The following PHACTR1 variants were observed in gnomAD, a reference collection of about 807,000 sequenced individuals.
PHACTR1 encodes the protein phosphatase and actin regulator 1.
PHACTR1 carries 16 observed loss-of-function variants against 69.2 expected under a neutral mutation model. That is an observed-to-expected ratio of 0.23 (90% confidence interval 0.16 to 0.35). The LOEUF is 0.35. Among genes scored for constraint, PHACTR1 ranks in the 10% least tolerant of loss-of-function variants. PHACTR1 has a pLI of 1.00. For synonymous variants in PHACTR1, 312 were observed against 284.5 expected, an observed-to-expected ratio of 1.10 and a Z score of -0.97; for missense variants, 510 against 734.7, an observed-to-expected ratio of 0.69 and a Z score of 3.54.
chr6:12,930,989 G>C (rs1335827125), intron 4 of PHACTR1, among the ~76,000 whole-genome samples: 1 of 100,834 alleles, frequency 9.9e-6, no homozygotes, highest in Admixed American at 1.4e-4. Flanking sequence ...GGAAACAAGA[G>C]CAAAACTCTG....
At chr6:13,032,749 T>C (rs1263139669) in intron 4 of PHACTR1, among the ~76,000 whole-genome samples, 1 of 151,996 alleles carries the variant, frequency 6.6e-6, no homozygotes, top group Non-Finnish European at 1.5e-5. Context: ...ACGAGGACTA[T>C]AGGCATGCAA....
At chr6:12,832,881 C>T (rs1012013628) in intron 4 of PHACTR1, among the ~76,000 whole-genome samples, 1 of 152,176 alleles carries the variant, frequency 6.6e-6, no homozygotes, top group Admixed American at 6.5e-5. Flanking sequence ...TGAGCCAAAA[C>T]ATTTGACTTC....
chr6:12,911,311 G>A (rs547779914), intron 4 of PHACTR1, among the ~76,000 whole-genome samples: 1 of 151,944 alleles, frequency 6.6e-6, no homozygotes, highest in Non-Finnish European at 1.5e-5. Context: ...GGGGCTTTGT[G>A]TTTCAGAAAT....
At chr6:12,741,615 A>G (rs1019198492) in intron 3 of PHACTR1, among the ~76,000 whole-genome samples, 6 of 151,914 alleles carry the variant, frequency 3.9e-5, no homozygotes, top group African/African-American at 1.4e-4. Flanking sequence ...CTGTTGATCT[A>G]TTTATCTTAC....
intron 4 of PHACTR1, among the ~76,000 whole-genome samples, chr6:12,937,413 A>G (rs965227522): frequency 1.3e-5 from 2 of 151,990 alleles, no homozygotes; most frequent in Non-Finnish European, 2.9e-5. Context: ...CAATGGCGCA[A>G]TCTCAGCTCA....
intron 3 of PHACTR1, among the ~76,000 whole-genome samples, chr6:12,728,078 G>A (rs903475433): frequency 2.0e-5 from 3 of 152,134 alleles, no homozygotes; most frequent in Non-Finnish European, 1.5e-5. Context: ...TTGGGAGGCC[G>A]AGGCTGGTGG....
chr6:13,208,094 C>T (rs1442225018), intron 8 of PHACTR1, among the ~76,000 whole-genome samples: 6 of 152,198 alleles, frequency 3.9e-5, no homozygotes, highest in South Asian at 2.1e-4. Context: ...TTAATTAGAA[C>T]AATAATAATT....
At chr6:13,106,709 G>A (rs1816204342) in intron 5 of PHACTR1, among the ~76,000 whole-genome samples, 1 of 152,008 alleles carries the variant, frequency 6.6e-6, no homozygotes, top group Non-Finnish European at 1.5e-5. Context: ...TTAAGTTAAG[G>A]AATTTTTTTC....
At chr6:12,975,726 A>G (rs1219041410) in intron 4 of PHACTR1, among the ~76,000 whole-genome samples, 1 of 152,124 alleles carries the variant, frequency 6.6e-6, no homozygotes, top group African/African-American at 2.4e-5. Context: ...GGACTATAAG[A>G]ACACACCAAA....
At chr6:13,203,509 C>T (rs146052666) in intron 7 of PHACTR1, among the ~76,000 whole-genome samples, 88 of 152,226 alleles carry the variant, frequency 5.8e-4, no homozygotes, top group African/African-American at 1.7e-3. Flanking sequence ...TCATGACTGT[C>T]GTCATTCCTG....
chr6:12,773,587 G>A (rs551072580), intron 4 of PHACTR1, among the ~76,000 whole-genome samples: 17 of 152,212 alleles, frequency 1.1e-4, no homozygotes, highest in African/African-American at 4.1e-4. Context: ...AATAGAACCA[G>A]AAGGCTGTCA....
At chr6:13,069,370 T>C (rs538995592) in intron 5 of PHACTR1, among the ~76,000 whole-genome samples, 1 of 152,246 alleles carries the variant, frequency 6.6e-6, no homozygotes, top group East Asian at 1.9e-4. Flanking sequence ...AACACTTCTT[T>C]TTCTCTCCAA....
chr6:13,219,340 A>C (rs1768233359), intron 8 of PHACTR1, among the ~76,000 whole-genome samples: 1 of 152,156 alleles, frequency 6.6e-6, no homozygotes, highest in African/African-American at 2.4e-5. Flanking sequence ...CTTACTCGTT[A>C]GTGGGAGCGA....
chr6:13,272,691 A>T lies in PHACTR1; in HGVS notation c.1392-169A>T, dbSNP rs1390369585. On this transcript the variant is annotated intron_variant, in intron 10 of 14. Transcript: ENST00000332995. ...ACGCACGTGCCTCTCCTGGGCTTGA[A>T]ATTGAGGAACTGAGGAGGCGGTGGT... The T allele has an allele frequency of 4.6e-5, 71 of 1,549,206 alleles. No homozygotes were observed. The South Asian group carries it at 7.6e-4, about 17-fold the overall frequency.
Position 12,858,827 on chromosome 6 carries a change from C to A in PHACTR1, c.250+109037C>A, listed in dbSNP as rs62389899. On this transcript the variant is annotated intron_variant, in intron 4 of 14. Coordinates refer to ENST00000332995, the MANE Select transcript of PHACTR1 (RefSeq NM_030948.6). ...ATACATACACACACACACACACACA[C>A]CACACACACACACACACAAAGTGCA... Among the ~76,000 whole-genome samples the A allele has an allele frequency of 2.1e-4, 29 of 140,752 alleles. No individual in the cohort carries two copies. In the Middle Eastern group the frequency reaches 0.011, roughly 53 times the overall value. 92.3% of individuals were successfully genotyped at this position (140,752 alleles called of 152,430 possible). A position where few individuals can be genotyped will look rare whatever the true frequency, so the allele number is the denominator to read the frequency against.
chr6:13,181,372 A>G (rs1475724109), intron 6 of PHACTR1, among the ~76,000 whole-genome samples: 2 of 152,242 alleles, frequency 1.3e-5, no homozygotes, highest in Non-Finnish European at 1.5e-5. Flanking sequence ...TTTAAGTCGG[A>G]TAATTGCTCT....
intron 4 of PHACTR1, among the ~76,000 whole-genome samples, chr6:12,925,238 CTT>C: frequency 6.6e-6 from 1 of 152,298 alleles, no homozygotes; most frequent in East Asian, 1.9e-4. Context: ...GCTCAACTGA[CTT>C]GTTGATTCAA....
At chr6:12,959,176 C>CAAAAAAAAAAAAAAAAA (rs70989814) in intron 4 of PHACTR1, among the ~76,000 whole-genome samples, 15 of 46,194 alleles carry the variant, frequency 3.2e-4, no homozygotes, top group East Asian at 7.1e-4. Flanking sequence ...GACTTTATCT[C>CAAAAAAAAAAAAAAAAA]AAAAAAAAAA....
At chr6:12,887,431 G>A (rs769322095) in intron 4 of PHACTR1, among the ~76,000 whole-genome samples, 7 of 152,102 alleles carry the variant, frequency 4.6e-5, no homozygotes, top group African/African-American at 7.2e-5. Flanking sequence ...TCTTACTTGC[G>A]AACTGAAAAC....
Sources: gnomAD v4.1 joint callset for allele counts (sites outside exome capture counted in the v4.1 genomes callset) on GRCh38, gnomAD v4.1.1 for gene constraint, MANE v1.5 for transcripts, NCBI Gene and HGNC (gene_info 2026-07-23, HGNC 2026-07-21) for gene names.